The following RBFOX1 variants were observed in gnomAD, a reference collection of about 807,000 sequenced individuals.
The protein encoded by RBFOX1 is RNA binding protein fox-1 homolog 1.
In RBFOX1, 8 loss-of-function variants were observed where a neutral mutation model predicts 57.7. That is an observed-to-expected ratio of 0.14 (90% CI 0.08 to 0.25). RBFOX1 has a LOEUF of 0.25. Ranked by LOEUF, RBFOX1 falls within the 10% of genes least tolerant of loss-of-function variation. The pLI is 1.00. For synonymous variants in RBFOX1, 326 were observed against 222.4 expected, an observed-to-expected ratio of 1.47 and a Z score of -4.15; for missense variants, 611 against 548.5, an observed-to-expected ratio of 1.11 and a Z score of -1.14.
chr16:7,348,284 A>G (rs2097057533), intron 4 of RBFOX1, among the ~76,000 whole-genome samples: 1 of 152,196 alleles, frequency 6.6e-6, no homozygotes, highest in South Asian at 2.1e-4. Context: ...TGTGGTACAT[A>G]TATTTTCTTC....
intron 4 of RBFOX1, 36 bp from the exon 5 acceptor site, chr16:7,518,111 C>T (rs1219094858): frequency 1.1e-5 from 18 of 1,580,094 alleles, no homozygotes; most frequent in Admixed American, 5.3e-5. Flanking sequence ...CTCCTCATGA[C>T]GTTCTCTCCC....
chr16:5,812,687 C>G (rs1007596610), intron 3 of RBFOX1, among the ~76,000 whole-genome samples: 1 of 152,098 alleles, frequency 6.6e-6, no homozygotes, highest in African/African-American at 2.4e-5. Flanking sequence ...GTCTCAAACT[C>G]CTGGCCTCAA....
rs115754210 is a variant in RBFOX1 at position 5,643,857 on chromosome 16, C to G, written c.318+44896C>G. Among the ~76,000 whole-genome samples the G allele has an allele frequency of 3.1e-3, 477 of 152,332 alleles. 3 individuals are homozygous for G. The highest frequency in any genetic ancestry group is 0.011 in the African/African-American group (460 of 41,574). On this transcript the variant is annotated intron_variant, in intron 3 of 19. Transcript: ENST00000641259. ...ACATTCACGTGGGATGGAGCTCACC[C>G]TGCACACGCATAAACAGTATGAATA...
chr16:5,381,742 A>G (rs1020061126), intron 1 of RBFOX1, among the ~76,000 whole-genome samples: 9 of 152,260 alleles, frequency 5.9e-5, no homozygotes, highest in African/African-American at 2.2e-4. Context: ...ATGTCGCTTC[A>G]TAATCTCTCA....
At chr16:5,765,935 C>A (rs182638084) in intron 3 of RBFOX1, among the ~76,000 whole-genome samples, 94 of 152,262 alleles carry the variant, frequency 6.2e-4, no homozygotes, top group Non-Finnish European at 1.2e-3. Context: ...CCACCACTAC[C>A]CAGCTACATG....
Position 6,933,694 on chromosome 16 carries a change from GA to G in RBFOX1, c.-15-118362del, listed in dbSNP as rs2076925275. On this transcript the variant is annotated intron_variant, in intron 3 of 15. Coordinates refer to ENST00000550418, the MANE Select transcript of RBFOX1 (RefSeq NM_018723.4). ...TATGACTGCACACTCCAGCCTGGGG[GA>G]CAGCACGAGACTGCGTCTCATTAAA... Among the ~76,000 whole-genome samples, 3 of 152,368 alleles carry G rather than the reference GA, an allele frequency of 2.0e-5. No homozygotes were observed. In the South Asian group the frequency reaches 6.2e-4, roughly 32 times the overall value.
intron 3 of RBFOX1, among the ~76,000 whole-genome samples, chr16:5,779,847 T>C (rs2054270632): frequency 6.6e-6 from 1 of 152,218 alleles, no homozygotes; most frequent in African/African-American, 2.4e-5. Flanking sequence ...ACTGTGACTT[T>C]GGGTTACCTT....
chr16:5,892,802 ATGGCCAAGTCAAGGCAC>A (rs1261324236), intron 4 of RBFOX1, among the ~76,000 whole-genome samples: 1 of 152,194 alleles, frequency 6.6e-6, no homozygotes, highest in Non-Finnish European at 1.5e-5. Context: ...GTAAGAGAGC[ATGGCCAAGTCAAGGCAC>A]TGTGCAGAGT....
At chr16:6,853,046 A>G (rs1041111386) in intron 3 of RBFOX1, among the ~76,000 whole-genome samples, 4 of 152,152 alleles carry the variant, frequency 2.6e-5, no homozygotes, top group African/African-American at 9.7e-5. Flanking sequence ...GCTTATTGCC[A>G]GGCAACCCAG....
chr16:6,593,525 C>A (rs1185427515), intron 2 of RBFOX1, among the ~76,000 whole-genome samples: 1 of 152,104 alleles, frequency 6.6e-6, no homozygotes, highest in Non-Finnish European at 1.5e-5. Flanking sequence ...ACAATGGGAT[C>A]CATCTAGAAT....
At chr16:5,603,878 C>T (rs551951338), downstream of RBFOX1, among the ~76,000 whole-genome samples, 54 of 152,290 alleles carry the variant, frequency 3.5e-4, no homozygotes, top group African/African-American at 1.2e-3. Context: ...TGCTGTCCAG[C>T]GTAAGAACCG....
rs536601163 is a variant in RBFOX1, at chr16:5,921,275, T to G, written c.351+53940T>G. On this transcript the variant is annotated intron_variant, in intron 4 of 19. Transcript: ENST00000641259. ...CATGTGACCAGGATCTTTCCCTCTT[T>G]CGCCTCCCTTCTCCAGAGATTGTCT... is the stretch of plus-strand genomic sequence containing the variant. Among the ~76,000 whole-genome samples, 5 of 152,328 alleles carry G rather than the reference T, an allele frequency of 3.3e-5. No homozygotes were observed. In the East Asian group the frequency reaches 7.7e-4, roughly 24 times the overall value.
At chr16:5,242,542 G>T (rs1169382441) in intron 1 of RBFOX1, among the ~76,000 whole-genome samples, 79 of 152,170 alleles carry the variant, frequency 5.2e-4, no homozygotes, top group Non-Finnish European at 1.1e-3. Flanking sequence ...GCTGGTGTGA[G>T]AATCAGCAGC....
intron 3 of RBFOX1, among the ~76,000 whole-genome samples, chr16:5,757,540 C>G (rs1391897800): frequency 2.0e-5 from 3 of 151,986 alleles, no homozygotes; most frequent in Admixed American, 2.0e-4. Flanking sequence ...GGGTGGGAAG[C>G]TTTTAATAGG....
At chr16:5,437,688 A>T (rs895176052) in intron 1 of RBFOX1, among the ~76,000 whole-genome samples, 2 of 152,216 alleles carry the variant, frequency 1.3e-5, no homozygotes, top group African/African-American at 4.8e-5. Context: ...CTATGGTAAA[A>T]CTATTTATGC....
At chr16:5,740,240 C>T (rs61413101) in intron 3 of RBFOX1, among the ~76,000 whole-genome samples, 3 of 152,082 alleles carry the variant, frequency 2.0e-5, no homozygotes, top group Non-Finnish European at 4.4e-5. Context: ...ATCAGGTGCC[C>T]TGTTGATCAG....
intron 3 of RBFOX1, chr16:6,983,685 C>A (rs2089543967): frequency 6.6e-6 from 1 of 152,268 alleles, no homozygotes; most frequent in Admixed American, 6.6e-5. Flanking sequence ...CTGTCGGTTC[C>A]TGGGAAAACA....
chr16:6,522,715 A>G (rs2096525209), intron 2 of RBFOX1, among the ~76,000 whole-genome samples: 1 of 152,094 alleles, frequency 6.6e-6, no homozygotes, highest in African/African-American at 2.4e-5. Flanking sequence ...ATAAGAAGGG[A>G]TATTTTGGTA....
rs2084241568 is a variant in RBFOX1, at chr16:7,713,126, T to TTTATCTAAATAACTATTGCTATTATGAA, written c.*2386_*2413dup. On this transcript the variant is annotated 3_prime_UTR_variant, in exon 16 of 16. Transcript: ENST00000550418. ...ACAGTATTTATTTGGAATGTTTTCA[T>TTTATCTAAATAACTATTGCTATTATGAA]TTATCTAAATAACTATTGCTATTAT... The TTTATCTAAATAACTATTGCTATTATGAA allele has an allele frequency of 1.3e-5, 2 of 152,230 alleles. No individual in the cohort carries two copies. The allele number at this position is 152,230 out of a possible 1,614,324, so 9.4% of individuals were successfully genotyped here.
Sources: allele counts gnomAD v4.1 joint callset (sites outside exome capture counted in the v4.1 genomes callset), GRCh38; gene constraint gnomAD v4.1.1; transcripts MANE v1.5; gene names NCBI Gene and HGNC (gene_info 2026-07-23, HGNC 2026-07-21).